TGFBR1: variants seen among roughly 807,000 people sequenced by gnomAD.
TGFBR1 encodes the protein transforming growth factor beta receptor 1.
TGFBR1 carries 20 observed loss-of-function variants against 55.1 expected under a neutral mutation model. The observed-to-expected ratio is 0.36, with a 90% CI of 0.26 to 0.53. TGFBR1 has a LOEUF of 0.53. Ranked by LOEUF, TGFBR1 falls within the 20% of genes least tolerant of loss-of-function variation. TGFBR1 has a pLI of 0.91. For missense variants in TGFBR1, 385 were observed against 617.6 expected, an observed-to-expected ratio of 0.62 and a Z score of 3.99; for synonymous variants, 220 against 214.8, an observed-to-expected ratio of 1.02 and a Z score of -0.21.
At chr9:99,125,947 A>G (rs2118522261) in intron 1 of TGFBR1, among the ~76,000 whole-genome samples, 1 of 152,316 alleles carries the variant, frequency 6.6e-6, no homozygotes, top group Admixed American at 6.5e-5. Context: ...AGGCAATGAA[A>G]GACCCTTTAA....
intron 2 of TGFBR1, among the ~76,000 whole-genome samples, chr9:99,131,010 T>C (rs948099986): frequency 5.3e-5 from 8 of 152,118 alleles, no homozygotes; most frequent in South Asian, 2.1e-4. Flanking sequence ...TTAAGAGATA[T>C]AGGGAACAGA....
chr9:99,151,214 GA>G lies in TGFBR1; in HGVS notation c.*1914del. 1 of 231,260 alleles carries G rather than the reference GA, an allele frequency of 4.3e-6. No homozygotes were observed. The highest frequency in any genetic ancestry group is 8.6e-6 in the Non-Finnish European group (1 of 116,886). The allele number at this position is 231,260 out of a possible 1,614,324, so 14.3% of individuals were successfully genotyped here. ...TTTCATGTGTTTAAAAACATCATGG[GA>G]AAAATGCTTAGAGGTTACTATTTTG... is the stretch of plus-strand genomic sequence containing the variant. On this transcript the variant is annotated 3_prime_UTR_variant, in exon 9 of 9. Coordinates refer to ENST00000374994, the MANE Select transcript of TGFBR1 (RefSeq NM_004612.4).
Position 99,128,842 on chromosome 9 carries a change from T to C in TGFBR1, c.98-13T>C. ...CCTTGAGATTTTTTCTAAGAATCTT[T>C]CTCTTTTTCCAGCGTTACAGTGTTT... On this transcript the variant is annotated splice_polypyrimidine_tract_variant and intron_variant, in intron 1 of 8. Transcript: ENST00000374994. The C allele has an allele frequency of 1.2e-6, 2 of 1,613,512 alleles. No homozygotes were observed. The highest frequency in any genetic ancestry group is 1.1e-5 in the South Asian group (1 of 91,060).
At chr9:99,126,449 T>C (rs1039283141) in intron 1 of TGFBR1, among the ~76,000 whole-genome samples, 2 of 152,222 alleles carry the variant, frequency 1.3e-5, no homozygotes, top group African/African-American at 4.8e-5. Flanking sequence ...TATTAATCTT[T>C]GTGTGCTAAG....
intron 1 of TGFBR1, among the ~76,000 whole-genome samples, chr9:99,114,498 G>C (rs1826676603): frequency 1.3e-5 from 2 of 152,154 alleles, no homozygotes; most frequent in Non-Finnish European, 2.9e-5. Context: ...GCTGGATCTG[G>C]CAATAATCTG....
At chr9:99,114,711 A>G (rs908914180) in intron 1 of TGFBR1, among the ~76,000 whole-genome samples, 1 of 152,244 alleles carries the variant, frequency 6.6e-6, no homozygotes, top group African/African-American at 2.4e-5. Context: ...ATAGAGAGCA[A>G]CATGAAACTA....
chr9:99,143,294 A>G (rs1359398131), intron 5 of TGFBR1, among the ~76,000 whole-genome samples: 1 of 152,184 alleles, frequency 6.6e-6, no homozygotes, highest in Non-Finnish European at 1.5e-5. Context: ...TTCAGGTCCA[A>G]CTGAATATAT....
intron 1 of TGFBR1, among the ~76,000 whole-genome samples, chr9:99,115,643 A>T (rs150405219): frequency 1.3e-3 from 202 of 152,244 alleles, no homozygotes; most frequent in African/African-American, 4.7e-3. Flanking sequence ...TTCATTTCCA[A>T]ATCAAACTAT....
chr9:99,142,257 A>G (rs983875842), intron 4 of TGFBR1, among the ~76,000 whole-genome samples: 5 of 152,202 alleles, frequency 3.3e-5, no homozygotes, highest in East Asian at 1.9e-4. Flanking sequence ...GATACCAATT[A>G]TCTGTGAAGA....
chr9:99,136,497 G>A (rs866957405), intron 3 of TGFBR1, among the ~76,000 whole-genome samples: 3 of 152,088 alleles, frequency 2.0e-5, no homozygotes, highest in Middle Eastern at 6.8e-3. Flanking sequence ...TAATAAATTA[G>A]TATCTACACT....
At chr9:99,147,908 C>G (rs553351783) in intron 8 of TGFBR1, 124 bp downstream of exon 8, 24 of 1,156,464 alleles carry the variant, frequency 2.1e-5, no homozygotes, top group African/African-American at 1.5e-4. Context: ...GCAGTCAAAC[C>G]AATGTTTAAA....
At chr9:99,121,271 A>G (rs1247675742) in intron 1 of TGFBR1, among the ~76,000 whole-genome samples, 2 of 152,198 alleles carry the variant, frequency 1.3e-5, no homozygotes, top group Admixed American at 1.3e-4. Flanking sequence ...TACTGCTGCA[A>G]GGTAGCCCCA....
chr9:99,151,408 T>G lies in TGFBR1; in HGVS notation c.*2103T>G, dbSNP rs7871490. 28,645 of 222,492 alleles carry G rather than the reference T, an allele frequency of 0.13. 1,926 individuals are homozygous for G. The highest frequency in any genetic ancestry group is 0.19 in the Admixed American group (3,318 of 17,234). 13.8% of individuals were successfully genotyped at this position (222,492 alleles called of 1,614,324 possible). ...GGGGTTTTTTTTTTGTTTTTTTTTT[T>G]TTGTTGTTGTTTTTGGGCCATTTCT... On this transcript the variant is annotated 3_prime_UTR_variant, in exon 9 of 9. Coordinates refer to ENST00000374994, the MANE Select transcript of TGFBR1 (RefSeq NM_004612.4).
At position 99,152,168 on chromosome 9, in the gene TGFBR1, G is replaced by A. The variant is rs1398818592; in HGVS notation, c.*2863G>A. 1 of 205,914 alleles carries A rather than the reference G, an allele frequency of 4.9e-6. No homozygotes were observed. Among genetic ancestry groups the A allele is most frequent in the East Asian group, 7.3e-5 (1 of 13,608 alleles). The allele number at this position is 205,914 out of a possible 1,614,324, so 12.8% of individuals were successfully genotyped here. A position where few individuals can be genotyped will look rare whatever the true frequency, so the allele number is the denominator to read the frequency against. ...GGAGACCTAGAGTAAAACGGCTGAT[G>A]GAAGTTGTGGGACCCACTTCCATTT... On this transcript the variant is annotated 3_prime_UTR_variant, in exon 9 of 9. Coordinates refer to ENST00000374994, the MANE Select transcript of TGFBR1 (RefSeq NM_004612.4).
intron 1 of TGFBR1, among the ~76,000 whole-genome samples, chr9:99,116,097 G>A (rs370737287): frequency 1.3e-5 from 2 of 149,496 alleles, no homozygotes; most frequent in Non-Finnish European, 3.0e-5. Context: ...CTCTTATTTC[G>A]ATGCATGTAT....
chr9:99,135,783 A>C (rs1392230614), intron 3 of TGFBR1, among the ~76,000 whole-genome samples: 1 of 152,134 alleles, frequency 6.6e-6, no homozygotes, highest in African/African-American at 2.4e-5. Context: ...AAGGTACAGA[A>C]GAGTAGAGCA....
upstream of TGFBR1, among the ~76,000 whole-genome samples, chr9:99,104,622 C>T (rs1826344111): frequency 1.3e-5 from 2 of 151,958 alleles, no homozygotes; most frequent in African/African-American, 4.8e-5. Context: ...AGGGGCCTGG[C>T]GCTGCAGCGG....
intron 7 of TGFBR1, 126 bp downstream of exon 7, chr9:99,146,735 A>G: frequency 6.9e-7 from 1 of 1,459,300 alleles, no homozygotes; most frequent in South Asian, 1.1e-5. Flanking sequence ...ACCGAGTGCC[A>G]GAGAAAACAA....
chr9:99,106,245 G>A (rs1826411639), intron 1 of TGFBR1, among the ~76,000 whole-genome samples: 1 of 152,212 alleles, frequency 6.6e-6, no homozygotes, highest in African/African-American at 2.4e-5. Context: ...AAGGAAGACT[G>A]TTGGCTGGAT....
Sources: gnomAD v4.1 joint callset for allele counts (sites outside exome capture counted in the v4.1 genomes callset) on GRCh38, gnomAD v4.1.1 for gene constraint, MANE v1.5 for transcripts, NCBI Gene and HGNC (gene_info 2026-07-23, HGNC 2026-07-21) for gene names.